Variants in OSBP observed in about 807,000 individuals in gnomAD.
OSBP encodes the protein oxysterol binding protein, also known as oxysterol-binding protein 1.
In OSBP, 32 loss-of-function variants were observed where a neutral mutation model predicts 96.6. That is an observed-to-expected ratio of 0.33 (90% CI 0.25 to 0.45). The LOEUF is 0.45. Among genes scored for constraint, OSBP ranks in the 20% least tolerant of loss-of-function variants. The pLI is 1.00. For missense variants in OSBP, 653 were observed against 1,029.7 expected, an observed-to-expected ratio of 0.63 and a Z score of 5.01; for synonymous variants, 369 against 389.6, an observed-to-expected ratio of 0.95 and a Z score of 0.62.
At chr11:59,593,385 G>A in intron 9 of OSBP, 1 of 531,274 alleles carries the variant, frequency 1.9e-6, no homozygotes, top group Non-Finnish European at 3.4e-6. Context: ...ATAGCTAAGA[G>A]GATAAAGAAT....
chr11:59,601,737 G>A lies in OSBP; in HGVS notation c.924C>T (p.Leu308=), dbSNP rs774988077. Residue 308 remains leucine (L), a synonymous_variant, in exon 4 of 14, where the codon CTC becomes CTT. Coordinates refer to ENST00000263847, the MANE Select transcript of OSBP (RefSeq NM_002556.3). ...GATTATGCTGCTTCGCCAGCTGCTC[G>A]AGGGTTTCTTCCAGTCGGATACGCT... is the stretch of plus-strand genomic sequence containing the variant. ...RDQRIRLEET[L]EQLAKQHNHL... 24 of 1,614,012 alleles carry A rather than the reference G, an allele frequency of 1.5e-5. No homozygotes were observed. The South Asian group carries it at 1.8e-4, about 12-fold the overall frequency.
chr11:59,581,365 C>G, intron 10 of OSBP, 86 bp downstream of exon 10: 1 of 616,038 alleles, frequency 1.6e-6, no homozygotes, highest in Non-Finnish European at 2.8e-6. Context: ...ATTCTGAGAC[C>G]AGTTCACATG....
intron 5 of OSBP, 127 bp from the exon 6 acceptor site, chr11:59,601,000 GACATTTAGAGTAGGAATGA>G (rs1045188875): frequency 1.3e-6 from 1 of 760,658 alleles, no homozygotes; most frequent in African/African-American, 1.8e-5. Flanking sequence ...ATCAAATGAC[GACATTTAGAGTAGGAATGA>G]ATTTAAGTAT....
chr11:59,613,972 A>C (rs1022235301), intron 1 of OSBP, among the ~76,000 whole-genome samples: 1 of 152,228 alleles, frequency 6.6e-6, no homozygotes, highest in African/African-American at 2.4e-5. Context: ...TGGTGAAGGA[A>C]AAGAAATATA....
intron 10 of OSBP, among the ~76,000 whole-genome samples, chr11:59,580,952 ATTGTC>A (rs776853622): frequency 1.3e-5 from 2 of 152,204 alleles, no homozygotes; most frequent in Non-Finnish European, 2.9e-5. Flanking sequence ...TGCTGCAACC[ATTGTC>A]TTAAGAGAAA....
rs367865623 is a variant in OSBP at position 59,581,441 on chromosome 11, C to G, written c.1782+10G>C. ...TAAACTTCACACACACTTTGGGTAC[C>G]TTTCCTCACCTGATCTATCCACAAC... is the stretch of plus-strand genomic sequence containing the variant. On this transcript the variant is annotated intron_variant, in intron 10 of 13. Transcript: ENST00000263847. 21 of 1,534,136 alleles carry G rather than the reference C, an allele frequency of 1.4e-5. No homozygotes were observed. The highest frequency in any genetic ancestry group is 2.7e-5 in the African/African-American group (2 of 73,394).
chr11:59,605,143 A>C (rs1860766003), intron 3 of OSBP, among the ~76,000 whole-genome samples: 1 of 151,714 alleles, frequency 6.6e-6, no homozygotes, highest in Non-Finnish European at 1.5e-5. Flanking sequence ...ACAAAGCGAG[A>C]CTCTGTCTCA....
intron 7 of OSBP, among the ~76,000 whole-genome samples, chr11:59,597,208 G>A (rs1427507369): frequency 2.0e-5 from 3 of 151,620 alleles, no homozygotes; most frequent in South Asian, 2.1e-4. Flanking sequence ...ACAGACGCGC[G>A]CCAACATGCC....
intron 2 of OSBP, 22 bp from the exon 3 acceptor site, chr11:59,608,756 T>C (rs765852993): frequency 3.1e-6 from 5 of 1,612,912 alleles, no homozygotes; most frequent in Non-Finnish European, 4.2e-6. Context: ...AAAAGAAAGG[T>C]TATATGATTC....
intron 9 of OSBP, among the ~76,000 whole-genome samples, chr11:59,582,901 G>C (rs1860438724): frequency 6.6e-6 from 1 of 152,140 alleles, no homozygotes; most frequent in Middle Eastern, 3.2e-3. Flanking sequence ...GAAACATATA[G>C]CTGACTCCTG....
intron 9 of OSBP, among the ~76,000 whole-genome samples, chr11:59,588,713 A>T (rs1860533963): frequency 6.6e-6 from 1 of 152,024 alleles, no homozygotes; most frequent in Non-Finnish European, 1.5e-5. Flanking sequence ...TTTTACAATT[A>T]AAAAATTGGA....
Position 59,576,946 on chromosome 11 carries a change from C to T in OSBP, c.2140G>A (p.Asp714Asn), listed in dbSNP as rs1860367907. ...NAWESGTAPTDSRLRPDQRLM... is the reference protein window; with the variant it reads ...NAWESGTAPTNSRLRPDQRLM... ...CTCTGGTCAGGTCGTAACCGGCTGT[C>T]TGTGGGGGCAGTGCCACTTTCCCAA... The change falls in exon 13 of 14, where the codon GAC becomes AAC. Residue 714 changes from aspartate to asparagine, a missense_variant. By Grantham distance (23) the Asp-to-Asn change is conservative. Around this residue, in one of 6 missense-constraint regions of OSBP, gnomAD observed 169 missense variants for 251.5 expected, o/e 0.67. Transcript: ENST00000263847. 6.2e-7 allele frequency: 1 copy of T among 1,614,096 alleles called. No individual in the cohort carries two copies. Among genetic ancestry groups the T allele is most frequent in the Admixed American group, 1.7e-5 (1 of 60,004 alleles).
At chr11:59,587,541 T>TA (rs551228920) in intron 9 of OSBP, among the ~76,000 whole-genome samples, 93 of 150,642 alleles carry the variant, frequency 6.2e-4, no homozygotes, top group Non-Finnish European at 1.2e-3. Context: ...CTTGAATAGG[T>TA]ATTCCTCCAA....
intron 3 of OSBP, among the ~76,000 whole-genome samples, chr11:59,606,695 T>G (rs1467923195): frequency 2.6e-5 from 4 of 152,232 alleles, no homozygotes; most frequent in Non-Finnish European, 5.9e-5. Flanking sequence ...AATTAATTTT[T>G]AAAGAAGTAA....
chr11:59,575,540 G>A lies in OSBP; in HGVS notation c.*1037C>T, dbSNP rs1284900777. ...TTTCTCTACATATATATAATATACA[G>A]ATATTTAACACATTATTCCAGAGGT... On this transcript the variant is annotated 3_prime_UTR_variant, in exon 14 of 14. Coordinates refer to ENST00000263847, the MANE Select transcript of OSBP (RefSeq NM_002556.3). The A allele has an allele frequency of 6.6e-6, 1 of 152,612 alleles. No homozygotes were observed. Among genetic ancestry groups the A allele is most frequent in the Non-Finnish European group, 1.5e-5 (1 of 68,044 alleles). The allele number at this position is 152,612 out of a possible 1,614,324, so 9.5% of individuals were successfully genotyped here. A position where few individuals can be genotyped will look rare whatever the true frequency, so the allele number is the denominator to read the frequency against.
rs770128616 is a variant in OSBP at position 59,608,766 on chromosome 11, C to A, written c.572-32G>T. Reference sequence around the variant, plus strand: ...GAATGAAAAGAAAGGTTATATGATTCCAGAACCAGGAGTGACAGTTGGAAC... The same window carrying A: ...GAATGAAAAGAAAGGTTATATGATTACAGAACCAGGAGTGACAGTTGGAAC... On this transcript the variant is annotated intron_variant, in intron 2 of 13. Transcript: ENST00000263847. 4.3e-6 allele frequency: 7 copies of A among 1,611,100 alleles called. No individual in the cohort carries two copies. The Admixed American group carries it at 1.2e-4, about 27-fold the overall frequency.
Position 59,581,438 on chromosome 11 carries a change from T to A in OSBP, c.1782+13A>T. The A allele has an allele frequency of 6.7e-7, 1 of 1,498,256 alleles. No homozygotes were observed. Among genetic ancestry groups the A allele is most frequent in the Non-Finnish European group, 9.3e-7 (1 of 1,077,984 alleles). 92.8% of individuals were successfully genotyped at this position (1,498,256 alleles called of 1,614,324 possible). A position where few individuals can be genotyped will look rare whatever the true frequency, so the allele number is the denominator to read the frequency against. On this transcript the variant is annotated intron_variant, in intron 10 of 13. Transcript: ENST00000263847. The stretch of plus-strand genomic sequence containing the variant: ...TTTTAAACTTCACACACACTTTGGG[T>A]ACCTTTCCTCACCTGATCTATCCAC...
chr11:59,606,945 A>G (rs1216618736), intron 3 of OSBP, among the ~76,000 whole-genome samples: 1 of 152,242 alleles, frequency 6.6e-6, no homozygotes, highest in Non-Finnish European at 1.5e-5. Flanking sequence ...CTGACTTCCA[A>G]GAGATCATTC....
At chr11:59,583,464 T>C (rs35770960) in intron 9 of OSBP, among the ~76,000 whole-genome samples, 11,049 of 152,104 alleles carry the variant, frequency 0.073, 854 homozygotes, top group African/African-American at 0.18. Context: ...AATTGGCAGA[T>C]AAGGATCACA....
Sources: allele counts gnomAD v4.1 joint callset (sites outside exome capture counted in the v4.1 genomes callset), GRCh38; gene constraint gnomAD v4.1.1; regional missense constraint gnomAD v4.1.1; transcripts MANE v1.5; gene names NCBI Gene and HGNC (gene_info 2026-07-23, HGNC 2026-07-21).